The following ATP6V1E1 variants were observed in gnomAD, a reference collection of about 807,000 sequenced individuals.
ATP6V1E1 encodes the protein V-type proton ATPase subunit E 1.
Under a neutral mutation model 35.2 loss-of-function variants are expected in ATP6V1E1, and 21 were observed. The observed-to-expected ratio is 0.60, with a 90% CI of 0.42 to 0.86. The LOEUF is 0.86. Among genes scored for constraint, ATP6V1E1 ranks in the 40% least tolerant of loss-of-function variants. ATP6V1E1 has a pLI of 0.00. For missense variants in ATP6V1E1, 183 were observed against 272.6 expected, an observed-to-expected ratio of 0.67 and a Z score of 2.32; for synonymous variants, 83 against 87.8, an observed-to-expected ratio of 0.95 and a Z score of 0.30.
intron 1 of ATP6V1E1, among the ~76,000 whole-genome samples, chr22:17,621,380 C>T (rs1185009209): frequency 6.6e-6 from 1 of 152,178 alleles, no homozygotes; most frequent in Admixed American, 6.6e-5. Flanking sequence ...CACAATCCCG[C>T]CTCATTTTGA....
At position 17,598,252 on chromosome 22, in the gene ATP6V1E1, C is replaced by T. The variant is rs2057742823; in HGVS notation, c.472G>A (p.Ala158Thr). Reference sequence around the variant, plus strand: ...TGGACATCAACATCGTTTTTGGTGGCAATTTTGTACATAGGAATTGCCTTC... The same window carrying T: ...TGGACATCAACATCGTTTTTGGTGGTAATTTTGTACATAGGAATTGCCTTC... Reference protein sequence around the residue: ...VQKAIPMYKIATKNDVDVQID... With the variant: ...VQKAIPMYKITTKNDVDVQID... The change falls in exon 7 of 9, where the codon GCC becomes ACC. Residue 158 changes from alanine (A) to threonine (T), a missense_variant. Coordinates refer to ENST00000253413, the MANE Select transcript of ATP6V1E1 (RefSeq NM_001696.4). 1 of 1,613,896 alleles carries T rather than the reference C, an allele frequency of 6.2e-7. No individual in the cohort carries two copies. Among genetic ancestry groups the T allele is most frequent in the Admixed American group, 1.7e-5 (1 of 59,980 alleles).
intron 1 of ATP6V1E1, among the ~76,000 whole-genome samples, chr22:17,626,079 G>A (rs2057902980): frequency 6.6e-6 from 1 of 151,786 alleles, no homozygotes; most frequent in Admixed American, 6.6e-5. Context: ...GGCCGAGGTG[G>A]GCAGATTACG....
intron 7 of ATP6V1E1, among the ~76,000 whole-genome samples, chr22:17,596,935 C>G (rs1438365336): frequency 1.3e-5 from 2 of 152,030 alleles, no homozygotes; most frequent in African/African-American, 4.8e-5. Flanking sequence ...GTGTGATAAT[C>G]AGCTAACTTC....
intron 2 of ATP6V1E1, among the ~76,000 whole-genome samples, chr22:17,618,204 G>A (rs781636447): frequency 6.6e-6 from 1 of 152,102 alleles, no homozygotes; most frequent in Non-Finnish European, 1.5e-5. Context: ...AGTTCGCCAC[G>A]GTTGTTAAAT....
intron 5 of ATP6V1E1, 88 bp downstream of exon 5, chr22:17,601,004 C>A: frequency 2.8e-6 from 3 of 1,077,808 alleles, no homozygotes; most frequent in African/African-American, 1.6e-5. Flanking sequence ...AATGAGAAAG[C>A]AGGAAAAAAT....
intron 7 of ATP6V1E1, among the ~76,000 whole-genome samples, chr22:17,597,328 C>T (rs999589679): frequency 1.3e-5 from 2 of 151,688 alleles, no homozygotes; most frequent in African/African-American, 2.4e-5. Context: ...CCAGTGAAAT[C>T]GAGAAAATGA....
At chr22:17,618,953 T>A (rs950874936) in intron 2 of ATP6V1E1, 3 of 451,420 alleles carry the variant, frequency 6.6e-6, no homozygotes, top group African/African-American at 6.1e-5. Context: ...TGAGCTGAGA[T>A]CAGGCCACTG....
chr22:17,596,439 G>C (rs1478849597), intron 7 of ATP6V1E1, among the ~76,000 whole-genome samples: 1 of 152,002 alleles, frequency 6.6e-6, no homozygotes, highest in African/African-American at 2.4e-5. Flanking sequence ...AGGCTCTCTG[G>C]CCTCCTCTCT....
chr22:17,597,243 TAA>T (rs113528640), intron 7 of ATP6V1E1, among the ~76,000 whole-genome samples: 22 of 139,944 alleles, frequency 1.6e-4, no homozygotes, highest in East Asian at 2.1e-4. Flanking sequence ...CTGCCTGTCT[TAA>T]AAAAAAAAAA....
Position 17,628,539 on chromosome 22 carries a change from C to G in ATP6V1E1, c.33+64G>C. 2.5e-6 allele frequency: 4 copies of G among 1,609,600 alleles called. No individual in the cohort carries two copies. The South Asian group carries it at 3.3e-5, about 13-fold the overall frequency. ...CTCAAGGCCCGCGGCCTTCCCTAGG[C>G]GGGCTCCAGCCCACTCCCCGGGACT... On this transcript the variant is annotated intron_variant, in intron 1 of 8. Transcript: ENST00000253413.
intron 4 of ATP6V1E1, among the ~76,000 whole-genome samples, chr22:17,611,730 A>G (rs2057816441): frequency 6.6e-6 from 1 of 152,216 alleles, no homozygotes; most frequent in African/African-American, 2.4e-5. Context: ...CTTGGAAGAA[A>G]AGGCAGAGTC....
intron 7 of ATP6V1E1, among the ~76,000 whole-genome samples, chr22:17,596,224 T>A (rs1352174936): frequency 1.3e-5 from 2 of 152,210 alleles, no homozygotes; most frequent in African/African-American, 4.8e-5. Flanking sequence ...CTCACTACTA[T>A]GGTTTGAGTC....
chr22:17,617,545 C>T (rs149450467), intron 2 of ATP6V1E1, among the ~76,000 whole-genome samples: 6,767 of 151,680 alleles, frequency 0.045, 487 homozygotes, highest in African/African-American at 0.15. Context: ...CCACTTGTGT[C>T]GGCCTCCCAA....
intron 4 of ATP6V1E1, among the ~76,000 whole-genome samples, chr22:17,605,462 G>A (rs937207937): frequency 2.0e-5 from 3 of 151,646 alleles, no homozygotes; most frequent in African/African-American, 4.9e-5. Context: ...CCCAGGAGGC[G>A]GGGGGTGCAG....
chr22:17,612,127 G>A (rs2300689), intron 4 of ATP6V1E1, among the ~76,000 whole-genome samples: 52,904 of 151,880 alleles, frequency 0.35, 9,534 homozygotes, highest in African/African-American at 0.41. Context: ...TTGAATAACC[G>A]TATCTGCAAA....
At chr22:17,614,518 A>ACAC (rs1568889882) in intron 2 of ATP6V1E1, among the ~76,000 whole-genome samples, 10 of 120,526 alleles carry the variant, frequency 8.3e-5, no homozygotes, top group East Asian at 4.5e-4. Flanking sequence ...CACACACACA[A>ACAC]AAATTAGCCG....
chr22:17,628,679 G>A lies in ATP6V1E1; in HGVS notation c.-44C>T, dbSNP rs370905181. 1.0e-3 allele frequency: 1,627 copies of A among 1,613,388 alleles called. 17 individuals carry two copies. In the South Asian group the frequency reaches 0.017, roughly 17 times the overall value. ...CCGGTGAACAGTAGGCTCGAGTTTA[G>A]GTTTGAAAGGTGAGGTGAGAGAAAT... is the stretch of plus-strand genomic sequence containing the variant. On this transcript the variant is annotated 5_prime_UTR_variant, in exon 1 of 9. Coordinates refer to ENST00000253413, the MANE Select transcript of ATP6V1E1 (RefSeq NM_001696.4).
At chr22:17,614,448 G>A (rs2057831751) in intron 2 of ATP6V1E1, among the ~76,000 whole-genome samples, 1 of 151,786 alleles carries the variant, frequency 6.6e-6, no homozygotes, top group Non-Finnish European at 1.5e-5. Context: ...CCTGAGGTCG[G>A]GAGTTCGAGA....
chr22:17,627,486 T>C (rs1468034468), intron 1 of ATP6V1E1, among the ~76,000 whole-genome samples: 5 of 151,656 alleles, frequency 3.3e-5, no homozygotes, highest in Non-Finnish European at 7.4e-5. Flanking sequence ...ATCATTACAA[T>C]CCATTATGAT....
Sources: gnomAD v4.1 joint callset for allele counts (sites outside exome capture counted in the v4.1 genomes callset) on GRCh38, gnomAD v4.1.1 for gene constraint, MANE v1.5 for transcripts, NCBI Gene and HGNC (gene_info 2026-07-23, HGNC 2026-07-21) for gene names.